The following GREB1L variants were observed in gnomAD, a reference collection of about 807,000 sequenced individuals.
The protein encoded by GREB1L is GREB1 like retinoic acid receptor coactivator, also known as GREB1-like protein.
In GREB1L, 17 loss-of-function variants were observed where a neutral mutation model predicts 200.8. The observed-to-expected ratio is 0.08, with a 90% CI of 0.06 to 0.13. The LOEUF is 0.13. Ranked by LOEUF, GREB1L falls within the 10% of genes least tolerant of loss-of-function variation. The pLI, the probability that GREB1L is intolerant of heterozygous loss-of-function variation, is 1.00. For synonymous variants in GREB1L, 789 were observed against 893.0 expected (o/e 0.88, Z 2.08); for missense variants, 1,657 against 2,367.7 (o/e 0.70, Z 6.23).
chr18:21,332,509 C>T (rs950594580), intron 1 of GREB1L, among the ~76,000 whole-genome samples: 5 of 151,974 alleles, frequency 3.3e-5, no homozygotes, highest in Non-Finnish European at 7.4e-5. Context: ...GAGTCTGGCT[C>T]TGTTGCCCAG....
chr18:21,509,496 T>C (rs1368518122), intron 27 of GREB1L, among the ~76,000 whole-genome samples: 1 of 152,224 alleles, frequency 6.6e-6, no homozygotes, highest in African/African-American at 2.4e-5. Flanking sequence ...CCTCTGCCTC[T>C]CCCTTCCTTC....
chr18:21,428,910 G>A (rs911475001), intron 7 of GREB1L, among the ~76,000 whole-genome samples: 4 of 151,786 alleles, frequency 2.6e-5, no homozygotes, highest in African/African-American at 9.7e-5. Flanking sequence ...TAGAGGTGGG[G>A]TTTCACCATG....
intron 15 of GREB1L, among the ~76,000 whole-genome samples, chr18:21,468,406 T>A (rs1046326432): frequency 6.6e-6 from 1 of 152,188 alleles, no homozygotes; most frequent in African/African-American, 2.4e-5. Context: ...ATTGAGGGGT[T>A]AAATGTATGG....
At chr18:21,302,895 G>A (rs1360415086) in intron 1 of GREB1L, among the ~76,000 whole-genome samples, 1 of 152,012 alleles carries the variant, frequency 6.6e-6, no homozygotes. Context: ...CTAATTTTTT[G>A]TATTTTTAGT....
intron 2 of GREB1L, among the ~76,000 whole-genome samples, chr18:21,373,670 T>C (rs1438238908): frequency 2.0e-5 from 3 of 152,178 alleles, no homozygotes; most frequent in Non-Finnish European, 1.5e-5. Flanking sequence ...AATTCTTCTT[T>C]TAAAAAAATT....
intron 1 of GREB1L, among the ~76,000 whole-genome samples, chr18:21,257,110 T>C (rs1196949362): frequency 6.6e-6 from 1 of 151,890 alleles, no homozygotes; most frequent in Non-Finnish European, 1.5e-5. Flanking sequence ...AGAGTAGCAA[T>C]TAGTTGCTAC....
intron 1 of GREB1L, among the ~76,000 whole-genome samples, chr18:21,253,407 T>C (rs2037746082): frequency 2.0e-5 from 3 of 151,984 alleles, no homozygotes; most frequent in African/African-American, 4.8e-5. Context: ...TGTGCCACCA[T>C]GCCTGGCTAA....
chr18:21,453,935 G>A (rs1292067334), intron 14 of GREB1L, among the ~76,000 whole-genome samples: 1 of 152,184 alleles, frequency 6.6e-6, no homozygotes, highest in Non-Finnish European at 1.5e-5. Flanking sequence ...TGATCATTAT[G>A]GCATCCCCTC....
chr18:21,454,962 T>A (rs2034687799), intron 15 of GREB1L: 2 of 243,858 alleles, frequency 8.2e-6, no homozygotes, highest in South Asian at 1.1e-4. Context: ...ATCTAGCACA[T>A]TAACAGCACG....
At chr18:21,491,354 TGA>T (rs1488977028) in intron 19 of GREB1L, among the ~76,000 whole-genome samples, 1 of 152,108 alleles carries the variant, frequency 6.6e-6, no homozygotes, top group Non-Finnish European at 1.5e-5. Flanking sequence ...ATCTGCAAAA[TGA>T]GAGAATTGGG....
At chr18:21,388,348 A>G (rs1434097271) in intron 4 of GREB1L, among the ~76,000 whole-genome samples, 1 of 152,122 alleles carries the variant, frequency 6.6e-6, no homozygotes, top group Non-Finnish European at 1.5e-5. Context: ...CCTATTATTA[A>G]TATCTTAGTA....
At chr18:21,472,207 G>A (rs1300858801) in intron 15 of GREB1L, among the ~76,000 whole-genome samples, 2 of 152,118 alleles carry the variant, frequency 1.3e-5, no homozygotes, top group Non-Finnish European at 2.9e-5. Context: ...TCACTGAGCT[G>A]CATTTATATT....
In GREB1L at chr18:21,395,490, C is replaced by T. The variant is rs1166878434; in HGVS notation, c.461C>T (p.Pro154Leu). 1 of 1,551,188 alleles carries T rather than the reference C, an allele frequency of 6.4e-7. No homozygotes were observed. Among genetic ancestry groups the T allele is most frequent in the Non-Finnish European group, 8.7e-7 (1 of 1,146,720 alleles). ...LLVGAKSPNL[P>L]EHILVCAVDK... ...GTGGGGGCCAAGTCTCCCAATCTGC[C>T]TGAACACATCCTAGTTTGTGCTGTG... The change falls in exon 5 of 33, where the codon CCT becomes CTT. Residue 154 changes from proline to leucine, a missense_variant. Coordinates refer to ENST00000424526, the MANE Select transcript of GREB1L (RefSeq NM_001142966.3).
intron 18 of GREB1L, among the ~76,000 whole-genome samples, chr18:21,486,659 A>G (rs2145822339): frequency 6.6e-6 from 1 of 152,078 alleles, no homozygotes; most frequent in Non-Finnish European, 1.5e-5. Flanking sequence ...AAAAATCCCC[A>G]TTTTCAGATT....
At position 21,525,424 on chromosome 18, in the gene GREB1L, G is replaced by T. The variant is rs1048526367; in HGVS notation, c.*2603G>T. 4.0e-5 allele frequency: 6 copies of T among 151,804 alleles called. No individual in the cohort carries two copies. Among genetic ancestry groups the T allele is most frequent in the African/African-American group, 1.4e-4 (6 of 41,398 alleles). 9.4% of individuals were successfully genotyped at this position (151,804 alleles called of 1,614,324 possible). Reference sequence around the variant, plus strand: ...AGTTATCTCCCACCCCCTCCAAAAAGTTATTTTTTCTTTATAGTTTTCTGG... The same window carrying T: ...AGTTATCTCCCACCCCCTCCAAAAATTTATTTTTTCTTTATAGTTTTCTGG... On this transcript the variant is annotated 3_prime_UTR_variant, in exon 33 of 33. Coordinates refer to ENST00000424526, the MANE Select transcript of GREB1L (RefSeq NM_001142966.3).
chr18:21,353,732 A>G (rs1440499772), intron 1 of GREB1L, among the ~76,000 whole-genome samples: 1 of 152,166 alleles, frequency 6.6e-6, no homozygotes, highest in Non-Finnish European at 1.5e-5. Context: ...TTATGTATAG[A>G]CATTTAAATT....
chr18:21,278,403 A>T (rs938405705), intron 1 of GREB1L, among the ~76,000 whole-genome samples: 1 of 145,906 alleles, frequency 6.9e-6, no homozygotes, highest in Non-Finnish European at 1.5e-5. Context: ...TAAATAAATA[A>T]ATAAATAAAT....
At chr18:21,414,068 G>A (rs2031372772) in intron 7 of GREB1L, among the ~76,000 whole-genome samples, 1 of 151,962 alleles carries the variant, frequency 6.6e-6, no homozygotes, top group Non-Finnish European at 1.5e-5. Context: ...TCACTTTAGC[G>A]GGCTTAACCA....
At chr18:21,396,477 T>C (rs531379716) in intron 5 of GREB1L, among the ~76,000 whole-genome samples, 3 of 152,382 alleles carry the variant, frequency 2.0e-5, no homozygotes, top group African/African-American at 4.8e-5. Context: ...TCTATAGTCA[T>C]TGATATCAAG....
Sources: allele counts gnomAD v4.1 joint callset (sites outside exome capture counted in the v4.1 genomes callset), GRCh38; gene constraint gnomAD v4.1.1; transcripts MANE v1.5; gene names NCBI Gene and HGNC (gene_info 2026-07-23, HGNC 2026-07-21).